Variants in ADRA1B observed in about 807,000 individuals in gnomAD.
The protein encoded by ADRA1B is adrenoceptor alpha 1B.
ADRA1B carries 17 observed loss-of-function variants against 17.9 expected under a neutral mutation model. The ratio of observed to expected loss-of-function variants is 0.95; its 90% CI spans 0.65 to 1.42. The LOEUF (loss-of-function observed/expected upper bound fraction) is 1.42. Among genes scored for constraint, ADRA1B ranks in the 40% most tolerant of loss-of-function variants. The probability of loss-of-function intolerance (pLI) is 0.00; values close to 1 mark genes in which losing one functional copy is unlikely to be tolerated. For missense variants in ADRA1B, 681 were observed against 722.1 expected, an observed-to-expected ratio of 0.94 and a Z score of 0.65; for synonymous variants, 366 against 327.6, an observed-to-expected ratio of 1.12 and a Z score of -1.27.
chr5:159,890,809 G>A (rs1753975601), intron 1 of ADRA1B, among the ~76,000 whole-genome samples: 1 of 152,220 alleles, frequency 6.6e-6, no homozygotes, highest in African/African-American at 2.4e-5. Context: ...TCAAGGGAAG[G>A]GAACAGAAAC....
chr5:159,934,460 C>G (rs1754897991), intron 1 of ADRA1B, among the ~76,000 whole-genome samples: 1 of 151,904 alleles, frequency 6.6e-6, no homozygotes, highest in African/African-American at 2.4e-5. Flanking sequence ...TCTGAGACAC[C>G]CTTGTTAGCT....
intron 1 of ADRA1B, among the ~76,000 whole-genome samples, chr5:159,939,911 A>G (rs187664332): frequency 3.5e-4 from 54 of 152,304 alleles, no homozygotes; most frequent in Admixed American, 7.8e-4. Flanking sequence ...TTCCCCAGGC[A>G]GTGGCTACTG....
At chr5:159,949,833 C>G (rs773784096) in intron 1 of ADRA1B, among the ~76,000 whole-genome samples, 4 of 152,208 alleles carry the variant, frequency 2.6e-5, no homozygotes, top group Admixed American at 6.5e-5. Context: ...GTTGGATTCT[C>G]TTGCCAAATG....
At chr5:159,931,030 A>G (rs10463075) in intron 1 of ADRA1B, among the ~76,000 whole-genome samples, 26,291 of 146,778 alleles carry the variant, frequency 0.18, 2,440 homozygotes, top group East Asian at 0.34. Context: ...ATTTAATAAT[A>G]TATATATTAT....
the ADRA1B span, among the ~76,000 whole-genome samples, chr5:159,979,281 C>A: frequency 6.6e-6 from 1 of 152,148 alleles, no homozygotes; most frequent in African/African-American, 2.4e-5. Context: ...CTGATTTTCC[C>A]ATTTATTAGT....
intron 1 of ADRA1B, among the ~76,000 whole-genome samples, chr5:159,876,281 C>T (rs1254147516): frequency 6.6e-6 from 1 of 152,222 alleles, no homozygotes; most frequent in Non-Finnish European, 1.5e-5. Flanking sequence ...TCAACAATGT[C>T]AAGGCTCTGC....
At chr5:159,870,006 G>A (rs966029248) in intron 1 of ADRA1B, 4 of 152,156 alleles carry the variant, frequency 2.6e-5, no homozygotes, top group African/African-American at 4.8e-5. Context: ...TCAATCCTAC[G>A]TTTCTTGAGT....
chr5:159,930,027 T>A (rs1237971513), intron 1 of ADRA1B, among the ~76,000 whole-genome samples: 3 of 152,224 alleles, frequency 2.0e-5, no homozygotes, highest in African/African-American at 7.2e-5. Flanking sequence ...GCATAGCATA[T>A]CTTAGACATA....
chr5:159,951,865 TCTCAC>T (rs927110685), intron 1 of ADRA1B, among the ~76,000 whole-genome samples: 2 of 152,208 alleles, frequency 1.3e-5, no homozygotes, highest in Non-Finnish European at 2.9e-5. Context: ...TGCTCTGTCC[TCTCAC>T]TTTTGTTGCT....
At position 159,944,214 on chromosome 5, in the gene ADRA1B, A is replaced by G. The variant is rs570242507; in HGVS notation, c.949+26360A>G. On this transcript the variant is annotated intron_variant, in intron 1 of 1. Coordinates refer to ENST00000306675, the MANE Select transcript of ADRA1B (RefSeq NM_000679.4). ...CCAATTTACTCAGGATGCCCCAGGA[A>G]CAAATGGCCCCATTTGTCACAGTGG... 2.0e-5 allele frequency among the ~76,000 whole-genome samples: 3 copies of G among 152,284 alleles called. No individual in the cohort carries two copies. The South Asian group carries it at 6.2e-4, about 32-fold the overall frequency.
At chr5:159,865,441 G>A (rs1000182316) in intron 1 of ADRA1B, among the ~76,000 whole-genome samples, 5 of 152,070 alleles carry the variant, frequency 3.3e-5, no homozygotes, top group East Asian at 3.9e-4. Flanking sequence ...GGGTGAAACC[G>A]AAAAGAAAAG....
chr5:159,972,664 C>A lies in ADRA1B; in HGVS notation c.*172C>A. 1 of 777,830 alleles carries A rather than the reference C, an allele frequency of 1.3e-6. No homozygotes were observed. The highest frequency in any genetic ancestry group is 1.9e-6 in the Non-Finnish European group (1 of 535,966). The allele number at this position is 777,830 out of a possible 1,614,324, so 48.2% of individuals were successfully genotyped here. A position where few individuals can be genotyped will look rare whatever the true frequency, so the allele number is the denominator to read the frequency against. On this transcript the variant is annotated 3_prime_UTR_variant, in exon 2 of 2. Coordinates refer to ENST00000306675, the MANE Select transcript of ADRA1B (RefSeq NM_000679.4). Reference sequence around the variant, plus strand: ...TGCTTTTCTGGCAGGGGCATGGGTGCCAGGTACCACGCGGAAAGCCGGGCC... The same window carrying A: ...TGCTTTTCTGGCAGGGGCATGGGTGACAGGTACCACGCGGAAAGCCGGGCC...
downstream of ADRA1B, among the ~76,000 whole-genome samples, chr5:159,974,601 A>C (rs4921102): frequency 0.011 from 1,677 of 150,238 alleles, 103 homozygotes; most frequent in Admixed American, 0.084. Flanking sequence ...ACACCATTGC[A>C]CTCCAGCCTG....
intron 1 of ADRA1B, chr5:159,871,036 G>A (rs561314948): frequency 1.3e-5 from 2 of 152,348 alleles, no homozygotes; most frequent in South Asian, 4.1e-4. Flanking sequence ...GAAGAGGTGA[G>A]GAGGAGTAGT....
chr5:159,908,498 C>T (rs543182914), intron 1 of ADRA1B, among the ~76,000 whole-genome samples: 2 of 152,220 alleles, frequency 1.3e-5, no homozygotes, highest in African/African-American at 4.8e-5. Flanking sequence ...GAGCCTGGCA[C>T]GTCCTCCTCT....
chr5:159,947,305 G>A (rs1013542763), intron 1 of ADRA1B, among the ~76,000 whole-genome samples: 31 of 152,106 alleles, frequency 2.0e-4, no homozygotes, highest in African/African-American at 4.1e-4. Flanking sequence ...TCGCACCACC[G>A]CACTCTAGCC....
intron 1 of ADRA1B, among the ~76,000 whole-genome samples, chr5:159,941,744 T>C (rs1475754334): frequency 6.6e-6 from 1 of 152,170 alleles, no homozygotes; most frequent in Non-Finnish European, 1.5e-5. Flanking sequence ...AGATGAACCT[T>C]GAAACCGATA....
At chr5:159,871,457 T>C (rs1038803937) in intron 1 of ADRA1B, 1 of 152,196 alleles carries the variant, frequency 6.6e-6, no homozygotes, top group East Asian at 1.9e-4. Context: ...GGGCCACACT[T>C]CCTGTGGAGG....
intron 1 of ADRA1B, among the ~76,000 whole-genome samples, chr5:159,939,542 T>C (rs1332815412): frequency 1.3e-5 from 2 of 152,174 alleles, no homozygotes; most frequent in African/African-American, 4.8e-5. Context: ...GATAGGGCTT[T>C]GTGCTCAAAC....
Sources: gnomAD v4.1 joint callset for allele counts (sites outside exome capture counted in the v4.1 genomes callset) on GRCh38, gnomAD v4.1.1 for gene constraint, MANE v1.5 for transcripts, NCBI Gene and HGNC (gene_info 2026-07-23, HGNC 2026-07-21) for gene names.